TMC1: variants seen among roughly 807,000 people sequenced by gnomAD.
The protein encoded by TMC1 is transmembrane channel-like protein 1.
A neutral mutation model predicts 105.8 loss-of-function variants in TMC1; 84 were observed. The ratio of observed to expected loss-of-function variants is 0.79; its 90% CI spans 0.67 to 0.95. The LOEUF (loss-of-function observed/expected upper bound fraction) is 0.95. Ranked by LOEUF, TMC1 falls within the 40% of genes least tolerant of loss-of-function variation. The pLI is 0.00. For missense variants in TMC1, 817 were observed against 914.1 expected (o/e 0.89, Z 1.37); for synonymous variants, 315 against 311.5 (o/e 1.01, Z -0.12).
chr9:72,662,289 C>T (rs775537222), intron 5 of TMC1, among the ~76,000 whole-genome samples: 5 of 151,496 alleles, frequency 3.3e-5, no homozygotes, highest in Non-Finnish European at 5.9e-5. Context: ...CCGGTCCAAG[C>T]GATTCTCCTG....
intron 13 of TMC1, among the ~76,000 whole-genome samples, chr9:72,778,893 C>T (rs1828046248): frequency 6.6e-6 from 1 of 152,154 alleles, no homozygotes; most frequent in African/African-American, 2.4e-5. Context: ...AGACAAGCCT[C>T]CACCCGCACA....
chr9:72,571,255 G>A (rs1428329724), intron 1 of TMC1, among the ~76,000 whole-genome samples: 1 of 150,908 alleles, frequency 6.6e-6, no homozygotes, highest in African/African-American at 2.4e-5. Flanking sequence ...CCTGGGAGGC[G>A]GAGGTTGCAG....
intron 7 of TMC1, 77 bp downstream of exon 7, chr9:72,694,791 A>G: frequency 6.8e-7 from 1 of 1,463,162 alleles, no homozygotes; most frequent in Non-Finnish European, 9.3e-7. Flanking sequence ...TTTGACCTTA[A>G]AATTGGTAAT....
At chr9:72,640,883 G>T (rs182067677) in intron 4 of TMC1, among the ~76,000 whole-genome samples, 4 of 152,004 alleles carry the variant, frequency 2.6e-5, no homozygotes, top group African/African-American at 9.6e-5. Context: ...CACCCGCCTC[G>T]GCCTCCCAAA....
At chr9:72,703,159 C>T (rs149739126) in intron 8 of TMC1, among the ~76,000 whole-genome samples, 127 of 151,764 alleles carry the variant, frequency 8.4e-4, no homozygotes, top group African/African-American at 2.9e-3. Context: ...AGGGTCTTAA[C>T]TCTGTTGCCC....
chr9:72,588,775 ATTTT>A (rs34222467), intron 2 of TMC1, among the ~76,000 whole-genome samples: 1 of 141,612 alleles, frequency 7.1e-6, no homozygotes, highest in Non-Finnish European at 1.5e-5. Flanking sequence ...GAAAAACAAG[ATTTT>A]TTTTTTTTTT....
intron 4 of TMC1, among the ~76,000 whole-genome samples, chr9:72,641,397 CCT>C (rs1564462607): frequency 6.6e-6 from 1 of 152,072 alleles, no homozygotes; most frequent in Admixed American, 6.5e-5. Flanking sequence ...CCAGCCTCAC[CCT>C]GGACTTTATG....
chr9:72,624,218 T>G (rs1047164321), intron 3 of TMC1, among the ~76,000 whole-genome samples: 25 of 152,136 alleles, frequency 1.6e-4, no homozygotes, highest in Non-Finnish European at 8.8e-5. Context: ...CCATAGTGAT[T>G]GCAGCACTAG....
intron 2 of TMC1, among the ~76,000 whole-genome samples, chr9:72,611,799 T>C (rs994711522): frequency 6.6e-6 from 1 of 152,186 alleles, no homozygotes; most frequent in Non-Finnish European, 1.5e-5. Context: ...TCTTGAATCG[T>C]GGATTAGAGA....
At chr9:72,648,022 G>A (rs570585298) in intron 4 of TMC1, among the ~76,000 whole-genome samples, 2 of 152,266 alleles carry the variant, frequency 1.3e-5, no homozygotes, top group African/African-American at 2.4e-5. Flanking sequence ...CAGAAAAATA[G>A]CACTTTCTTC....
intron 2 of TMC1, among the ~76,000 whole-genome samples, chr9:72,582,185 G>A (rs1040886658): frequency 1.3e-5 from 2 of 152,156 alleles, no homozygotes; most frequent in African/African-American, 4.8e-5. Flanking sequence ...TCTAATTCCC[G>A]ACCTCAGGTG....
intron 2 of TMC1, among the ~76,000 whole-genome samples, chr9:72,588,529 G>T (rs781757061): frequency 6.6e-6 from 1 of 152,128 alleles, no homozygotes; most frequent in Non-Finnish European, 1.5e-5. Context: ...TCTACATGTG[G>T]CTGTTTGGCT....
At chr9:72,564,628 A>G (rs574544216) in intron 1 of TMC1, among the ~76,000 whole-genome samples, 6 of 152,342 alleles carry the variant, frequency 3.9e-5, no homozygotes, top group African/African-American at 1.4e-4. Context: ...AAACTTTTCC[A>G]TCCAAGACAA....
At chr9:72,816,029 C>T in intron 18 of TMC1, 114 bp from the exon 19 acceptor site, 1 of 858,288 alleles carries the variant, frequency 1.2e-6, no homozygotes, top group Non-Finnish European at 2.0e-6. Context: ...GATTATTCTG[C>T]TATTGTTGCT....
intron 1 of TMC1, among the ~76,000 whole-genome samples, chr9:72,529,224 G>C (rs1235639780): frequency 2.6e-5 from 4 of 152,044 alleles, no homozygotes; most frequent in Non-Finnish European, 5.9e-5. Flanking sequence ...AACTCTAATT[G>C]CTAAATCGTT....
chr9:72,764,502 T>C (rs1827801483), intron 12 of TMC1, among the ~76,000 whole-genome samples: 1 of 152,210 alleles, frequency 6.6e-6, no homozygotes, highest in Non-Finnish European at 1.5e-5. Flanking sequence ...AAGAGTTTTA[T>C]GCAATTAGAC....
chr9:72,641,095 A>G (rs2132143753), intron 4 of TMC1, among the ~76,000 whole-genome samples: 1 of 151,948 alleles, frequency 6.6e-6, no homozygotes, highest in South Asian at 2.1e-4. Context: ...AGTTTTATTT[A>G]TTTATTTTTT....
chr9:72,785,380 T>C (rs1828153311), intron 13 of TMC1, among the ~76,000 whole-genome samples: 1 of 152,250 alleles, frequency 6.6e-6, no homozygotes, highest in African/African-American at 2.4e-5. Flanking sequence ...ATTTCTTTTT[T>C]CTTCTTCACA....
At chr9:72,808,676 G>C (rs1206280300) in intron 18 of TMC1, among the ~76,000 whole-genome samples, 3 of 152,190 alleles carry the variant, frequency 2.0e-5, no homozygotes, top group Admixed American at 6.5e-5. Flanking sequence ...ACTGTCTATT[G>C]CCAGAACTCT....
Sources: allele counts gnomAD v4.1 joint callset (sites outside exome capture counted in the v4.1 genomes callset), GRCh38; gene constraint gnomAD v4.1.1; transcripts MANE v1.5; gene names NCBI Gene and HGNC (gene_info 2026-07-23, HGNC 2026-07-21).